The following PCDH11X variants were observed in gnomAD, a reference collection of about 807,000 sequenced individuals.
PCDH11X encodes protocadherin 11 X-linked, also known as protocadherin-11 X-linked.
Under a neutral mutation model 53.3 loss-of-function variants are expected in PCDH11X, and 18 were observed. That is an observed-to-expected ratio of 0.34 (90% CI 0.23 to 0.50). The LOEUF (loss-of-function observed/expected upper bound fraction) is 0.50, where lower values mean the gene tolerates loss of function less well. Ranked by LOEUF, PCDH11X falls within the 20% of genes least tolerant of loss-of-function variation. The pLI is 0.98. For missense variants in PCDH11X, 570 were observed against 1,032.4 expected (o/e 0.55, Z 6.14); for synonymous variants, 279 against 393.3 (o/e 0.71, Z 3.44).
rs886866511 is a variant in PCDH11X at position 92,207,428 on chromosome X, C to T, written c.3114+5973C>T. On this transcript the variant is annotated intron_variant, in intron 7 of 10. Coordinates refer to ENST00000682573, the MANE Select transcript of PCDH11X (RefSeq NM_032968.5). The stretch of plus-strand genomic sequence containing the variant: ...GCTCCATGAGTTAGCAAGCCTAAAA[C>T]TGAATGATGTTCTGTAAAAAAACTG... Among the ~76,000 whole-genome samples, 11 of 111,558 alleles carry T rather than the reference C, an allele frequency of 9.9e-5. No individual in the cohort carries two copies. In the East Asian group the frequency reaches 2.8e-3, roughly 29 times the overall value.
intron 6 of PCDH11X, among the ~76,000 whole-genome samples, chrX:91,946,599 A>ATATATATATATG (rs58031232): frequency 3.9e-5 from 3 of 76,111 alleles, no homozygotes; most frequent in African/African-American, 5.1e-5. Flanking sequence ...ATATATATAT[A>ATATATATATATG]GCTATTTAAA....
intron 5 of PCDH11X, among the ~76,000 whole-genome samples, chrX:91,848,804 G>A (rs1332687609): frequency 8.1e-5 from 9 of 111,629 alleles, no homozygotes; most frequent in Non-Finnish European, 1.3e-4. Flanking sequence ...CTTTTCTAAA[G>A]ATAAGTATAA....
At chrX:92,518,360 G>C (rs1433136037) in intron 10 of PCDH11X, among the ~76,000 whole-genome samples, 2 of 111,095 alleles carry the variant, frequency 1.8e-5, no homozygotes, top group African/African-American at 6.5e-5. Context: ...AGCTTCCTTA[G>C]CAATAATAAT....
chrX:91,975,178 G>A (rs1352514254), intron 6 of PCDH11X, among the ~76,000 whole-genome samples: 1 of 111,512 alleles, frequency 9.0e-6, no homozygotes, highest in East Asian at 2.8e-4. Flanking sequence ...AAGGATGGAA[G>A]CAATGAAGGT....
intron 6 of PCDH11X, among the ~76,000 whole-genome samples, chrX:92,105,158 T>C (rs2064350109): frequency 9.0e-6 from 1 of 111,714 alleles, no homozygotes; most frequent in East Asian, 2.8e-4. Context: ...ATGTCTCTTT[T>C]GTCTCTACCA....
At chrX:92,215,077 A>T (rs2066667369) in intron 7 of PCDH11X, among the ~76,000 whole-genome samples, 1 of 111,179 alleles carries the variant, frequency 9.0e-6, no homozygotes, top group Non-Finnish European at 1.9e-5. Flanking sequence ...AGCAGCCAAG[A>T]TGGCCGAATA....
chrX:91,988,115 A>G (rs1223898896), intron 6 of PCDH11X, among the ~76,000 whole-genome samples: 1 of 111,321 alleles, frequency 9.0e-6, no homozygotes, highest in Non-Finnish European at 1.9e-5. Context: ...TTTGATGAGC[A>G]ATACTATAAT....
chrX:92,620,284 G>T lies in PCDH11X; in HGVS notation c.*1344G>T, dbSNP rs960210780. On this transcript the variant is annotated 3_prime_UTR_variant, in exon 11 of 11. Transcript: ENST00000682573. ...AAGCAAAGAAACAGTACTATTCATA[G>T]AAAACATTAGTTTTCTTCTGTTGTC... 2.7e-5 allele frequency: 3 copies of T among 110,571 alleles called. No homozygotes were observed. Among genetic ancestry groups the T allele is most frequent in the Non-Finnish European group, 5.7e-5 (3 of 52,816 alleles). The allele number at this position is 110,571 out of a possible 1,213,427, so 9.1% of individuals were successfully genotyped here.
chrX:92,383,961 A>AT (rs1194640744), intron 8 of PCDH11X, among the ~76,000 whole-genome samples: 6 of 111,652 alleles, frequency 5.4e-5, no homozygotes, highest in African/African-American at 1.6e-4. Flanking sequence ...AAGTGTTCCT[A>AT]TTTTTCCACA....
chrX:92,134,196 G>A (rs1375242361), intron 6 of PCDH11X, among the ~76,000 whole-genome samples: 1 of 111,421 alleles, frequency 9.0e-6, no homozygotes, highest in Non-Finnish European at 1.9e-5. Flanking sequence ...ATGAGCAGAG[G>A]GATGACTTTG....
At chrX:92,160,515 A>G (rs1360276827) in intron 6 of PCDH11X, among the ~76,000 whole-genome samples, 8 of 109,379 alleles carry the variant, frequency 7.3e-5, no homozygotes, top group Non-Finnish European at 1.5e-4. Context: ...GCTGAGTAGT[A>G]TCCCATCAAA....
intron 10 of PCDH11X, among the ~76,000 whole-genome samples, chrX:92,589,082 A>T (rs1402951441): frequency 1.8e-5 from 2 of 111,901 alleles, no homozygotes; most frequent in African/African-American, 6.5e-5. Context: ...CTTCTACCCT[A>T]GAATAGTATG....
intron 4 of PCDH11X, among the ~76,000 whole-genome samples, chrX:91,833,842 A>T (rs1937200408): frequency 8.9e-6 from 1 of 111,916 alleles, no homozygotes; most frequent in South Asian, 3.6e-4. Context: ...TGGCATAACC[A>T]GAGCACAATA....
chrX:92,292,836 C>T (rs2068519761), intron 8 of PCDH11X, among the ~76,000 whole-genome samples: 1 of 110,841 alleles, frequency 9.0e-6, no homozygotes, highest in African/African-American at 3.3e-5. Context: ...TTATTCAATT[C>T]CTTCAATTTG....
chrX:92,606,179 C>T (rs1361551009), intron 10 of PCDH11X, among the ~76,000 whole-genome samples: 8 of 82,068 alleles, frequency 9.7e-5, no homozygotes, highest in African/African-American at 2.5e-4. Context: ...TGCAGTGAGC[C>T]GGAGATCGTG....
intron 8 of PCDH11X, among the ~76,000 whole-genome samples, chrX:92,269,962 C>T (rs533475174): frequency 5.9e-4 from 66 of 111,156 alleles, no homozygotes; most frequent in Middle Eastern, 4.6e-3. Flanking sequence ...GCTTTTCTCT[C>T]GACTTTTCTG....
chrX:92,114,065 C>T, intron 6 of PCDH11X: 1 of 1,181,172 alleles, frequency 8.5e-7, no homozygotes, highest in Non-Finnish European at 1.2e-6. Flanking sequence ...CTGATACAGG[C>T]ATGACAGGAG....
intron 6 of PCDH11X, among the ~76,000 whole-genome samples, chrX:92,014,187 GA>G (rs1382613406): frequency 1.1e-3 from 101 of 93,742 alleles, no homozygotes; most frequent in Non-Finnish European, 1.9e-3. Context: ...AAATTTACAA[GA>G]AAAAAAACAA....
chrX:92,582,742 C>G (rs374016198), intron 10 of PCDH11X, among the ~76,000 whole-genome samples: 3 of 111,107 alleles, frequency 2.7e-5, no homozygotes, highest in East Asian at 5.7e-4. Context: ...TGGAAAGCCA[C>G]AGACACTCAA....
Sources: allele counts gnomAD v4.1 joint callset (sites outside exome capture counted in the v4.1 genomes callset), GRCh38; gene constraint gnomAD v4.1.1; transcripts MANE v1.5; gene names NCBI Gene and HGNC (gene_info 2026-07-23, HGNC 2026-07-21).